POLDIP3: variants seen among roughly 807,000 people sequenced by gnomAD.
POLDIP3 encodes the protein DNA polymerase delta interacting protein 3.
In POLDIP3, 14 loss-of-function variants were observed where a neutral mutation model predicts 45.1. The observed-to-expected ratio is 0.31, with a 90% CI of 0.20 to 0.49. POLDIP3 has a LOEUF of 0.49. Ranked by LOEUF, POLDIP3 falls within the 20% of genes least tolerant of loss-of-function variation. The pLI is 0.99. For synonymous variants in POLDIP3, 223 were observed against 205.2 expected (o/e 1.09, Z -0.74); for missense variants, 511 against 538.8 (o/e 0.95, Z 0.51).
At chr22:42,602,207 T>C in intron 2 of POLDIP3, 151 bp from the exon 3 acceptor site, 2 of 1,225,470 alleles carry the variant, frequency 1.6e-6, no homozygotes, top group Non-Finnish European at 2.2e-6. Context: ...CAGTAGGAAG[T>C]AACAGAAGAA....
intron 1 of POLDIP3, among the ~76,000 whole-genome samples, chr22:42,606,784 G>A (rs975678821): frequency 5.9e-5 from 9 of 151,982 alleles, no homozygotes; most frequent in Non-Finnish European, 1.0e-4. Flanking sequence ...TTACAACCCC[G>A]TGAATCAGGT....
chr22:42,612,065 G>C (rs944210547), intron 1 of POLDIP3, among the ~76,000 whole-genome samples: 1 of 152,128 alleles, frequency 6.6e-6, no homozygotes, highest in Admixed American at 6.6e-5. Flanking sequence ...TGCACTCCAG[G>C]TTCTTCCATG....
At chr22:42,587,642 G>A (rs1396598343) in intron 7 of POLDIP3, 70 bp from the exon 8 acceptor site, 2 of 1,421,828 alleles carry the variant, frequency 1.4e-6, no homozygotes, top group Non-Finnish European at 2.0e-6. Flanking sequence ...GACAAGGGCT[G>A]TACCTCCATT....
intron 6 of POLDIP3, among the ~76,000 whole-genome samples, chr22:42,594,117 C>T (rs964087910): frequency 2.0e-5 from 3 of 151,916 alleles, no homozygotes; most frequent in African/African-American, 4.8e-5. Flanking sequence ...AAAAATTAGC[C>T]GGGTGTGGTG....
At chr22:42,607,698 T>G (rs567347613) in intron 1 of POLDIP3, among the ~76,000 whole-genome samples, 1 of 148,102 alleles carries the variant, frequency 6.8e-6, no homozygotes, top group South Asian at 2.1e-4. Flanking sequence ...GTCTGAGATG[T>G]GGGGAGAGCC....
At chr22:42,598,596 G>C (rs1473282920) in intron 4 of POLDIP3, among the ~76,000 whole-genome samples, 1 of 152,140 alleles carries the variant, frequency 6.6e-6, no homozygotes, top group Non-Finnish European at 1.5e-5. Flanking sequence ...GTGCTAGCCA[G>C]GATGGTTTCC....
chr22:42,588,365 G>A lies in POLDIP3; in HGVS notation c.1022-793C>T, dbSNP rs577864457. 6.0e-5 allele frequency among the ~76,000 whole-genome samples: 9 copies of A among 150,720 alleles called. No individual in the cohort carries two copies. In the East Asian group the frequency reaches 1.6e-3, roughly 27 times the overall value. On this transcript the variant is annotated intron_variant, in intron 7 of 8. Coordinates refer to ENST00000252115, the MANE Select transcript of POLDIP3 (RefSeq NM_032311.5). ...AGCTACTCAGGAGGCTGAAGCAGGA[G>A]AATGGCGTGAACCTGGGAGGTAGAG...
intron 3 of POLDIP3, among the ~76,000 whole-genome samples, chr22:42,601,010 A>G (rs1426056666): frequency 6.6e-6 from 1 of 151,952 alleles, no homozygotes; most frequent in Non-Finnish European, 1.5e-5. Flanking sequence ...TGGGAGGATC[A>G]TTTGAGCCCA....
At chr22:42,597,832 G>C (rs1926094300) in intron 4 of POLDIP3, 2 of 441,490 alleles carry the variant, frequency 4.5e-6, no homozygotes, top group South Asian at 3.3e-5. Flanking sequence ...CCAGGCTGGA[G>C]TGCAGTGGCG....
chr22:42,599,342 G>A (rs561717862), intron 4 of POLDIP3, among the ~76,000 whole-genome samples: 4 of 152,356 alleles, frequency 2.6e-5, no homozygotes, highest in African/African-American at 7.2e-5. Flanking sequence ...AGTGGCTTAC[G>A]CCTGTAATCC....
chr22:42,584,421 C>A lies in POLDIP3; in HGVS notation c.*1370G>T. 6.0e-6 allele frequency: 1 copy of A among 165,448 alleles called. No individual in the cohort carries two copies. Among genetic ancestry groups the A allele is most frequent in the Non-Finnish European group, 1.3e-5 (1 of 74,836 alleles). The allele number at this position is 165,448 out of a possible 1,614,324, so 10.2% of individuals were successfully genotyped here. On this transcript the variant is annotated 3_prime_UTR_variant, in exon 9 of 9. Transcript: ENST00000252115. ...TGAGTCTCTGGTTTTTTTCACTGGG[C>A]TAGCCTCAAGCAAATCTTGGGAGCT... is the stretch of plus-strand genomic sequence containing the variant.
At chr22:42,591,183 A>T (rs1342133588) in intron 7 of POLDIP3, among the ~76,000 whole-genome samples, 1 of 152,150 alleles carries the variant, frequency 6.6e-6, no homozygotes, top group Non-Finnish European at 1.5e-5. Flanking sequence ...AAAAAACAAA[A>T]AAAGAACAGA....
At chr22:42,608,653 A>C (rs914659441) in intron 1 of POLDIP3, among the ~76,000 whole-genome samples, 3 of 152,128 alleles carry the variant, frequency 2.0e-5, no homozygotes, top group Admixed American at 6.5e-5. Context: ...GGTGAGCACA[A>C]GCAGCGAGGC....
At chr22:42,613,881 A>G (rs1041710740) in intron 1 of POLDIP3, among the ~76,000 whole-genome samples, 11 of 152,242 alleles carry the variant, frequency 7.2e-5, no homozygotes, top group African/African-American at 2.7e-4. Flanking sequence ...GTGTGTTGGG[A>G]AACTATTGGG....
chr22:42,599,779 C>A lies in POLDIP3; in HGVS notation c.552G>T (p.Leu184=). The A allele has an allele frequency of 6.2e-7, 1 of 1,608,118 alleles. No homozygotes were observed. Among genetic ancestry groups the A allele is most frequent in the Non-Finnish European group, 8.5e-7 (1 of 1,175,194 alleles). ...NHQAKQNLYD[L]DEDDDGIASV... is the part of the protein sequence containing the mutation. ...AAGCTATACCATCATCATCTTCATC[C>A]AGGTCATATAAATTCTGAGAATATA... The change falls in exon 4 of 9, where the codon CTG becomes CTT. Residue 184 remains leucine, a synonymous_variant. Coordinates refer to ENST00000252115, the MANE Select transcript of POLDIP3 (RefSeq NM_032311.5).
rs137087 is a variant in POLDIP3, at chr22:42,585,343, C to T, written c.*448G>A. ...TGGCTCCCGTCAGGACACCAGGGCTCTCCATCCCCTCCATTGTTTGAAAAG... is the reference window on the plus strand; with the variant it reads ...TGGCTCCCGTCAGGACACCAGGGCTTTCCATCCCCTCCATTGTTTGAAAAG... On this transcript the variant is annotated 3_prime_UTR_variant, in exon 9 of 9. Transcript: ENST00000252115. The T allele has an allele frequency of 0.25, 113,581 of 453,776 alleles. 17,834 individuals are homozygous for T. The highest frequency in any genetic ancestry group is 0.7 in the East Asian group (10,786 of 15,482). 28.1% of individuals were successfully genotyped at this position (453,776 alleles called of 1,614,324 possible).
intron 7 of POLDIP3, among the ~76,000 whole-genome samples, chr22:42,591,031 G>A (rs1161405409): frequency 1.3e-5 from 2 of 150,398 alleles, no homozygotes; most frequent in Non-Finnish European, 2.9e-5. Context: ...CTGAGATCAC[G>A]CCACTGCACC....
At chr22:42,587,080 C>T (rs1463566773) in intron 8 of POLDIP3, among the ~76,000 whole-genome samples, 2 of 142,572 alleles carry the variant, frequency 1.4e-5, no homozygotes, top group African/African-American at 5.8e-5. Flanking sequence ...CTCAAAATAA[C>T]TGAAAAAGCA....
intron 1 of POLDIP3, among the ~76,000 whole-genome samples, chr22:42,610,479 A>T (rs1207717335): frequency 1.3e-5 from 2 of 152,196 alleles, no homozygotes; most frequent in Non-Finnish European, 2.9e-5. Context: ...TCCAGCCTCC[A>T]GCACATTCAA....
Sources: allele counts gnomAD v4.1 joint callset (sites outside exome capture counted in the v4.1 genomes callset), GRCh38; gene constraint gnomAD v4.1.1; transcripts MANE v1.5; gene names NCBI Gene and HGNC (gene_info 2026-07-23, HGNC 2026-07-21).